Variants in EPHA5 observed in about 807,000 individuals in gnomAD.
EPHA5 encodes ephrin type-A receptor 5.
Under a neutral mutation model 105.0 loss-of-function variants are expected in EPHA5, and 60 were observed. The ratio of observed to expected loss-of-function variants is 0.57; its 90% CI spans 0.46 to 0.71. EPHA5 has a LOEUF of 0.71. Among genes scored for constraint, EPHA5 ranks in the 30% least tolerant of loss-of-function variants. The pLI, the probability that EPHA5 is intolerant of heterozygous loss-of-function variation, is 0.00. For missense variants in EPHA5, 1,218 were observed against 1,274.7 expected, an observed-to-expected ratio of 0.96 and a Z score of 0.68; for synonymous variants, 513 against 449.1, an observed-to-expected ratio of 1.14 and a Z score of -1.80.
intron 3 of EPHA5, among the ~76,000 whole-genome samples, chr4:65,553,687 G>A (rs931086862): frequency 3.3e-5 from 5 of 152,014 alleles, no homozygotes; most frequent in Non-Finnish European, 7.4e-5. Context: ...ATAAATATTT[G>A]TGAAATATTG....
chr4:65,371,804 A>AT (rs1237186789), intron 8 of EPHA5, among the ~76,000 whole-genome samples: 2 of 151,920 alleles, frequency 1.3e-5, no homozygotes, highest in African/African-American at 2.4e-5. Flanking sequence ...ACCCTAAATA[A>AT]TTTTTTTCAC....
intron 1 of EPHA5, among the ~76,000 whole-genome samples, chr4:65,668,028 G>C (rs1183534110): frequency 6.6e-6 from 1 of 152,104 alleles, no homozygotes; most frequent in African/African-American, 2.4e-5. Context: ...TTATCAGAAA[G>C]GGAAAATACC....
chr4:65,334,489 A>G (rs1184925529), intron 15 of EPHA5, among the ~76,000 whole-genome samples: 2 of 152,016 alleles, frequency 1.3e-5, no homozygotes, highest in African/African-American at 4.8e-5. Context: ...GAAAAATTCA[A>G]GATATTTAGA....
Position 65,576,113 on chromosome 4 carries a change from G to GA in EPHA5, c.910+25527dup, listed in dbSNP as rs71205388. On this transcript the variant is annotated intron_variant, in intron 3 of 16. Transcript: ENST00000613740. ...GAAAAGAAAAGAAAAGAAAAGAAAA[G>GA]AAAAAAGAAAAGAAAAGAAAAGAAA... Among the ~76,000 whole-genome samples, 347 of 36,480 alleles carry GA rather than the reference G, an allele frequency of 9.5e-3. 20 individuals are homozygous for GA. Among genetic ancestry groups the GA allele is most frequent in the Middle Eastern group, 0.037 (3 of 82 alleles). 23.9% of individuals were successfully genotyped at this position (36,480 alleles called of 152,430 possible).
At chr4:65,655,650 A>G (rs540070184) in intron 1 of EPHA5, among the ~76,000 whole-genome samples, 1 of 152,172 alleles carries the variant, frequency 6.6e-6, no homozygotes, top group Non-Finnish European at 1.5e-5. Context: ...ACAAGGATAA[A>G]GATCAGAATT....
intron 4 of EPHA5, among the ~76,000 whole-genome samples, chr4:65,494,956 G>GGAA (rs1175729401): frequency 1.3e-5 from 2 of 151,120 alleles, no homozygotes; most frequent in Non-Finnish European, 2.9e-5. Flanking sequence ...CAGAGAAAGA[G>GGAA]GAAGAAGAAG....
intron 14 of EPHA5, among the ~76,000 whole-genome samples, chr4:65,345,976 A>G (rs2034541): frequency 0.75 from 113,454 of 151,636 alleles, 42,617 homozygotes; most frequent in East Asian, 0.8. Flanking sequence ...GTTTCACCGT[A>G]TTAGCCAGGA....
At chr4:65,596,716 C>T (rs1305380823) in intron 3 of EPHA5, among the ~76,000 whole-genome samples, 58 of 148,892 alleles carry the variant, frequency 3.9e-4, no homozygotes, top group Non-Finnish European at 1.5e-5. Context: ...ACCAACACAA[C>T]ACACACAGGC....
intron 5 of EPHA5, among the ~76,000 whole-genome samples, chr4:65,467,785 A>G (rs1728860478): frequency 1.3e-5 from 2 of 152,242 alleles, no homozygotes. Flanking sequence ...ATTAGCAGAC[A>G]GGAAAATTAC....
In EPHA5 at chr4:65,373,999, C is replaced by T. The variant is rs17086141; in HGVS notation, c.1794-6575G>A. Among the ~76,000 whole-genome samples the T allele has an allele frequency of 7.2e-3, 1,100 of 151,906 alleles. 21 individuals are homozygous for T. Among genetic ancestry groups the T allele is most frequent in the African/African-American group, 0.025 (1,017 of 41,486 alleles). ...ATAAATATACATTGGTTTCTGTAAGCACAAACACAGATGAATATTTGAGGA... is the reference window on the plus strand; with the variant it reads ...ATAAATATACATTGGTTTCTGTAAGTACAAACACAGATGAATATTTGAGGA... On this transcript the variant is annotated intron_variant, in intron 8 of 16. Coordinates refer to ENST00000613740, the MANE Select transcript of EPHA5 (RefSeq NM_001281766.3).
At chr4:65,564,133 T>C (rs924370856) in intron 3 of EPHA5, among the ~76,000 whole-genome samples, 1 of 151,894 alleles carries the variant, frequency 6.6e-6, no homozygotes, top group African/African-American at 2.4e-5. Flanking sequence ...GCATACATAT[T>C]TCACCCTGTA....
At chr4:65,350,176 A>G (rs747160883) in intron 13 of EPHA5, among the ~76,000 whole-genome samples, 6 of 152,126 alleles carry the variant, frequency 3.9e-5, no homozygotes, top group Non-Finnish European at 7.4e-5. Flanking sequence ...AGGTAACTCT[A>G]TTCCCAAAAG....
chr4:65,466,452 T>C (rs1728725334), intron 5 of EPHA5, among the ~76,000 whole-genome samples: 2 of 152,190 alleles, frequency 1.3e-5, no homozygotes, highest in Admixed American at 6.5e-5. Context: ...CTGAGTAAGA[T>C]GGCGAGTCAT....
intron 14 of EPHA5, among the ~76,000 whole-genome samples, chr4:65,347,359 T>G (rs1722322145): frequency 6.6e-6 from 1 of 152,158 alleles, no homozygotes; most frequent in African/African-American, 2.4e-5. Flanking sequence ...ATATGAAATT[T>G]CCATATGATC....
intron 3 of EPHA5, among the ~76,000 whole-genome samples, chr4:65,512,834 A>C (rs1418651600): frequency 6.6e-6 from 1 of 152,194 alleles, no homozygotes; most frequent in Non-Finnish European, 1.5e-5. Flanking sequence ...ACACCAAGAT[A>C]TCATCAACAT....
chr4:65,489,797 T>G (rs1731229439), intron 5 of EPHA5, among the ~76,000 whole-genome samples: 1 of 152,194 alleles, frequency 6.6e-6, no homozygotes, highest in Non-Finnish European at 1.5e-5. Flanking sequence ...AATTTCCATA[T>G]GGAATCTAGA....
chr4:65,577,378 A>C (rs1269108594), intron 3 of EPHA5, among the ~76,000 whole-genome samples: 1 of 152,100 alleles, frequency 6.6e-6, no homozygotes, highest in Non-Finnish European at 1.5e-5. Context: ...TTTCATTTCA[A>C]AAGCATTTAA....
chr4:65,658,158 G>C lies in EPHA5; in HGVS notation c.181+11404C>G, dbSNP rs72642688. The stretch of plus-strand genomic sequence containing the variant: ...GGGCACACAATCCTGGGAAAATCTT[G>C]TACAGACCTAGGCATAAATATCAAA... On this transcript the variant is annotated intron_variant, in intron 1 of 16. Transcript: ENST00000613740. 9.1e-3 allele frequency among the ~76,000 whole-genome samples: 1,385 copies of C among 152,088 alleles called. 11 individuals carry two copies. The highest frequency in any genetic ancestry group is 0.015 in the Non-Finnish European group (990 of 67,974).
At chr4:65,421,189 T>A (rs1268037740) in intron 5 of EPHA5, among the ~76,000 whole-genome samples, 2 of 152,078 alleles carry the variant, frequency 1.3e-5, no homozygotes, top group Non-Finnish European at 2.9e-5. Context: ...TTATATCGGG[T>A]CTATGAAACC....
Sources: allele counts gnomAD v4.1 joint callset (sites outside exome capture counted in the v4.1 genomes callset), GRCh38; gene constraint gnomAD v4.1.1; transcripts MANE v1.5; gene names NCBI Gene and HGNC (gene_info 2026-07-23, HGNC 2026-07-21).